The following VMP1 variants were observed in gnomAD, a reference collection of about 807,000 sequenced individuals.
VMP1 encodes vacuole membrane protein 1.
VMP1 carries 11 observed loss-of-function variants against 56.0 expected under a neutral mutation model. The observed-to-expected ratio is 0.20, with a 90% CI of 0.12 to 0.32. The LOEUF is 0.32. Ranked by LOEUF, VMP1 falls within the 10% of genes least tolerant of loss-of-function variation. The probability of loss-of-function intolerance (pLI) is 1.00; values close to 1 mark genes in which losing one functional copy is unlikely to be tolerated. For missense variants in VMP1, 296 were observed against 490.3 expected (o/e 0.60, Z 3.74); for synonymous variants, 149 against 165.0 (o/e 0.90, Z 0.74).
At chr17:59,803,839 T>TA (rs537356744) in intron 7 of VMP1, among the ~76,000 whole-genome samples, 60 of 152,140 alleles carry the variant, frequency 3.9e-4, no homozygotes, top group Non-Finnish European at 7.4e-4. Flanking sequence ...TAGTTTTTCT[T>TA]AAAAATATTG....
At chr17:59,771,551 G>A (rs966703094) in intron 6 of VMP1, among the ~76,000 whole-genome samples, 5 of 149,046 alleles carry the variant, frequency 3.4e-5, no homozygotes, top group Non-Finnish European at 7.4e-5. Flanking sequence ...TAATAAGTTG[G>A]TTCTCTAGCA....
intron 7 of VMP1, among the ~76,000 whole-genome samples, chr17:59,790,535 A>G (rs932223526): frequency 1.8e-4 from 28 of 152,220 alleles, no homozygotes; most frequent in Non-Finnish European, 3.2e-4. Flanking sequence ...CATGCCTGTA[A>G]TTCCAGCACT....
chr17:59,810,918 A>G (rs1375449250), intron 8 of VMP1, among the ~76,000 whole-genome samples: 1 of 152,236 alleles, frequency 6.6e-6, no homozygotes. Flanking sequence ...GCATTTTTAC[A>G]TGAAATGTCT....
At chr17:59,755,988 C>T (rs939694066) in intron 5 of VMP1, among the ~76,000 whole-genome samples, 3 of 152,116 alleles carry the variant, frequency 2.0e-5, no homozygotes, top group African/African-American at 4.8e-5. Context: ...CCTGCTGCCT[C>T]GGCCTCTCAA....
intron 7 of VMP1, among the ~76,000 whole-genome samples, chr17:59,794,378 C>T (rs531527792): frequency 5.4e-4 from 81 of 151,034 alleles, no homozygotes; most frequent in African/African-American, 1.9e-3. Context: ...CGCCACCACG[C>T]CTGGCTAATT....
At chr17:59,803,765 A>AT (rs897561371) in intron 7 of VMP1, among the ~76,000 whole-genome samples, 4 of 152,160 alleles carry the variant, frequency 2.6e-5, no homozygotes, top group Admixed American at 6.5e-5. Context: ...TGAAATATTA[A>AT]TTTTTTTAAC....
chr17:59,778,373 T>C (rs1036870240), intron 7 of VMP1, among the ~76,000 whole-genome samples: 11 of 151,746 alleles, frequency 7.2e-5, no homozygotes, highest in Admixed American at 2.0e-4. Flanking sequence ...ACCCCATCTC[T>C]ACTAAAAATA....
At position 59,773,867 on chromosome 17, in the gene VMP1, A is replaced by C; in HGVS notation, c.696A>C (p.Glu232Asp). The C allele has an allele frequency of 1.2e-6, 2 of 1,613,036 alleles. No homozygotes were observed. The highest frequency in any genetic ancestry group is 1.7e-6 in the Non-Finnish European group (2 of 1,179,556). ...ATCAGGAATTTGAAGAGATGCTGGA[A>C]CATGCAGAGTCTGCACAAGTAAGAA... ...EEYQEFEEML[E>D]HAESAQDFAS... is the part of the protein sequence containing the mutation. The change falls in exon 7 of 12, where the codon GAA becomes GAC. Residue 232 changes from glutamate (E) to aspartate (D), a missense_variant. By Grantham distance (45) the Glu-to-Asp change is conservative. Coordinates refer to ENST00000262291, the MANE Select transcript of VMP1 (RefSeq NM_030938.5).
intron 1 of VMP1, among the ~76,000 whole-genome samples, chr17:59,730,856 CCCATAT>C (rs2034797736): frequency 1.3e-5 from 2 of 149,622 alleles, no homozygotes; most frequent in African/African-American, 4.9e-5. Flanking sequence ...TTTTTTTTTG[CCCATAT>C]CATTTTATTC....
At chr17:59,755,233 G>C (rs1362526347) in intron 5 of VMP1, among the ~76,000 whole-genome samples, 1 of 151,220 alleles carries the variant, frequency 6.6e-6, no homozygotes, top group Non-Finnish European at 1.5e-5. Flanking sequence ...TCACCCTCCC[G>C]AATAGTTGGG....
intron 1 of VMP1, among the ~76,000 whole-genome samples, chr17:59,714,203 C>T (rs2034058327): frequency 6.6e-6 from 1 of 151,954 alleles, no homozygotes; most frequent in Admixed American, 6.6e-5. Context: ...TGGGTAAGGG[C>T]CTTCTTGCTG....
chr17:59,753,252 A>G (rs1293192985), intron 5 of VMP1, among the ~76,000 whole-genome samples: 1 of 152,100 alleles, frequency 6.6e-6, no homozygotes, highest in Non-Finnish European at 1.5e-5. Flanking sequence ...AGCCTGGGCG[A>G]CAGAATGAGA....
rs554436398 is a variant in VMP1 at position 59,718,437 on chromosome 17, C to T, written c.-27+10689C>T. Among the ~76,000 whole-genome samples, 116 of 151,984 alleles carry T rather than the reference C, an allele frequency of 7.6e-4. 1 individual carries two copies. Among genetic ancestry groups the T allele is most frequent in the Admixed American group, 6.2e-3 (94 of 15,252 alleles). On this transcript the variant is annotated intron_variant, in intron 1 of 11. Coordinates refer to ENST00000262291, the MANE Select transcript of VMP1 (RefSeq NM_030938.5). ...GGTCTCAATCTCCTGACCTCGTGATCTGCCCGCCTCGGCCTCCCAAAGTGC... is the reference window on the plus strand; with the variant it reads ...GGTCTCAATCTCCTGACCTCGTGATTTGCCCGCCTCGGCCTCCCAAAGTGC...
Position 59,733,199 on chromosome 17 carries a change from T to A in VMP1, c.76+1677T>A, listed in dbSNP as rs556658382. On this transcript the variant is annotated intron_variant, in intron 2 of 11. Transcript: ENST00000262291. ...AGACCCTGTCCCCCAAAAAAAAAAATTTATTCTTTATTATGGCTGCTTAGT... is the reference window on the plus strand; with the variant it reads ...AGACCCTGTCCCCCAAAAAAAAAAAATTATTCTTTATTATGGCTGCTTAGT... Among the ~76,000 whole-genome samples the A allele has an allele frequency of 3.1e-4, 47 of 150,494 alleles. No homozygotes were observed. The East Asian group carries it at 7.9e-3, about 25-fold the overall frequency.
At chr17:59,744,011 T>C (rs937077970) in intron 5 of VMP1, among the ~76,000 whole-genome samples, 15 of 151,974 alleles carry the variant, frequency 9.9e-5, no homozygotes, top group Admixed American at 5.2e-4. Flanking sequence ...CCCTTAAGTA[T>C]GATGTTAGCT....
intron 11 of VMP1, chr17:59,839,000 T>C (rs2144358406): frequency 6.6e-6 from 1 of 152,408 alleles, no homozygotes; most frequent in East Asian, 1.9e-4. Flanking sequence ...TTTTGTTCTT[T>C]GGGGTTTTTT....
At chr17:59,715,707 T>G (rs767681525) in intron 1 of VMP1, among the ~76,000 whole-genome samples, 1 of 152,242 alleles carries the variant, frequency 6.6e-6, no homozygotes. Context: ...TTATTTCGTT[T>G]TAGATTTTGC....
At chr17:59,751,057 C>T (rs553534986) in intron 5 of VMP1, among the ~76,000 whole-genome samples, 14 of 151,652 alleles carry the variant, frequency 9.2e-5, no homozygotes, top group Middle Eastern at 3.4e-3. Context: ...CTCAGCCTCC[C>T]GAGTAGCTGG....
chr17:59,818,320 T>C (rs1056187554), intron 10 of VMP1, among the ~76,000 whole-genome samples: 1 of 152,004 alleles, frequency 6.6e-6, no homozygotes, highest in African/African-American at 2.4e-5. Flanking sequence ...TGAGCCAAGA[T>C]CATGCCATTG....
Sources: gnomAD v4.1 joint callset for allele counts (sites outside exome capture counted in the v4.1 genomes callset) on GRCh38, gnomAD v4.1.1 for gene constraint, MANE v1.5 for transcripts, NCBI Gene and HGNC (gene_info 2026-07-23, HGNC 2026-07-21) for gene names.